Variants in UNC5D observed in about 807,000 individuals in gnomAD.
The protein encoded by UNC5D is unc-5 netrin receptor D.
Under a neutral mutation model 105.4 loss-of-function variants are expected in UNC5D, and 39 were observed. The ratio of observed to expected loss-of-function variants is 0.37; its 90% CI spans 0.29 to 0.48. The LOEUF (loss-of-function observed/expected upper bound fraction) is 0.48, where lower values mean the gene tolerates loss of function less well. UNC5D is among the 20% of genes least tolerant of loss of function. The probability of loss-of-function intolerance (pLI) is 0.98; values close to 1 mark genes in which losing one functional copy is unlikely to be tolerated. For synonymous variants in UNC5D, 452 were observed against 450.4 expected, an observed-to-expected ratio of 1.00 and a Z score of -0.04; for missense variants, 991 against 1,202.4, an observed-to-expected ratio of 0.82 and a Z score of 2.60.
intron 1 of UNC5D, among the ~76,000 whole-genome samples, chr8:35,383,575 G>T (rs1049114221): frequency 1.3e-5 from 2 of 152,198 alleles, no homozygotes; most frequent in African/African-American, 4.8e-5. Context: ...TCTAAGGTAG[G>T]CAAGAGAGCA....
At chr8:35,784,180 A>G (rs529456911) in intron 16 of UNC5D, among the ~76,000 whole-genome samples, 49 of 152,280 alleles carry the variant, frequency 3.2e-4, no homozygotes, top group African/African-American at 1.2e-3. Context: ...AATCATGGTA[A>G]TAAAACAAAT....
intron 7 of UNC5D, among the ~76,000 whole-genome samples, chr8:35,693,521 G>A (rs1826550768): frequency 6.6e-6 from 1 of 152,132 alleles, no homozygotes; most frequent in South Asian, 2.1e-4. Context: ...AACCAGGTCT[G>A]AAACACTTCA....
At chr8:35,703,735 T>C (rs1331052421) in intron 7 of UNC5D, among the ~76,000 whole-genome samples, 1 of 152,256 alleles carries the variant, frequency 6.6e-6, no homozygotes, top group Non-Finnish European at 1.5e-5. Context: ...TCCTGTGGTT[T>C]AGAAGGAAGA....
At chr8:35,588,414 G>A (rs1818938590) in intron 3 of UNC5D, among the ~76,000 whole-genome samples, 1 of 152,122 alleles carries the variant, frequency 6.6e-6, no homozygotes, top group African/African-American at 2.4e-5. Context: ...AATGGCACCT[G>A]GTGTGTGTTT....
chr8:35,316,178 C>T (rs10104660), intron 1 of UNC5D, among the ~76,000 whole-genome samples: 69,672 of 151,944 alleles, frequency 0.46, 16,471 homozygotes, highest in East Asian at 0.7. Context: ...TAAGGAAATA[C>T]GTGGAAAAGC....
At chr8:35,596,056 G>A (rs1819474505) in intron 4 of UNC5D, among the ~76,000 whole-genome samples, 1 of 152,336 alleles carries the variant, frequency 6.6e-6, no homozygotes, top group Admixed American at 6.5e-5. Context: ...AGAAGACCCA[G>A]TCCCAGTGTC....
In UNC5D at chr8:35,711,258, C is replaced by T. The variant is rs555563854; in HGVS notation, c.1117+5297C>T. On this transcript the variant is annotated intron_variant, in intron 8 of 16. Transcript: ENST00000404895. Reference sequence around the variant, plus strand: ...GCAGTGGTGCGATCTTGGCTCACTGCAACCTCTGCCTCCCGGGTTCAAGCG... The same window carrying T: ...GCAGTGGTGCGATCTTGGCTCACTGTAACCTCTGCCTCCCGGGTTCAAGCG... 2.0e-5 allele frequency among the ~76,000 whole-genome samples: 3 copies of T among 152,148 alleles called. No individual in the cohort carries two copies. In the South Asian group the frequency reaches 6.2e-4, roughly 32 times the overall value.
At chr8:35,438,716 G>T (rs1194928503) in intron 1 of UNC5D, among the ~76,000 whole-genome samples, 1 of 151,984 alleles carries the variant, frequency 6.6e-6, no homozygotes, top group Non-Finnish European at 1.5e-5. Context: ...CAGGAAGCAA[G>T]GCTCCAAGTA....
At chr8:35,724,395 C>A in intron 9 of UNC5D, 2 of 1,268,690 alleles carry the variant, frequency 1.6e-6, no homozygotes, top group Non-Finnish European at 2.1e-6. Flanking sequence ...TTGAGCAATA[C>A]ATCCAGTGCC....
intron 4 of UNC5D, among the ~76,000 whole-genome samples, chr8:35,658,547 G>A (rs982835850): frequency 1.3e-5 from 2 of 151,672 alleles, no homozygotes; most frequent in Non-Finnish European, 1.5e-5. Flanking sequence ...CGTAATAAAT[G>A]ATAGATGTTG....
chr8:35,462,907 A>G (rs1245927786), intron 1 of UNC5D, among the ~76,000 whole-genome samples: 4 of 152,198 alleles, frequency 2.6e-5, no homozygotes, highest in African/African-American at 9.6e-5. Flanking sequence ...ATCTCTCCTT[A>G]CAAAGGTATA....
intron 4 of UNC5D, among the ~76,000 whole-genome samples, chr8:35,648,703 GA>G (rs1586333404): frequency 6.8e-6 from 1 of 147,152 alleles, no homozygotes; most frequent in East Asian, 2.0e-4. Context: ...AAAAAAAAAG[GA>G]GAGAGATCTC....
At chr8:35,621,117 A>G (rs570847460) in intron 4 of UNC5D, among the ~76,000 whole-genome samples, 30 of 152,294 alleles carry the variant, frequency 2.0e-4, no homozygotes, top group African/African-American at 7.2e-4. Flanking sequence ...GCATTGCCAA[A>G]TGTTATTCCT....
intron 3 of UNC5D, among the ~76,000 whole-genome samples, chr8:35,588,902 A>T (rs573851023): frequency 3.2e-4 from 48 of 152,106 alleles, no homozygotes; most frequent in African/African-American, 1.1e-3. Context: ...ATTTAGCCAG[A>T]CGTGGTGGCA....
chr8:35,526,362 C>T (rs898446689), intron 1 of UNC5D, among the ~76,000 whole-genome samples: 1 of 152,124 alleles, frequency 6.6e-6, no homozygotes, highest in South Asian at 2.1e-4. Flanking sequence ...ATAGTGGGAA[C>T]TCACCTCATC....
At chr8:35,604,664 G>A (rs1023476779) in intron 4 of UNC5D, among the ~76,000 whole-genome samples, 9 of 152,220 alleles carry the variant, frequency 5.9e-5, no homozygotes, top group South Asian at 4.2e-4. Flanking sequence ...CATTCTCCCC[G>A]TCACTTTCAG....
At chr8:35,285,171 C>G (rs1406942187) in intron 1 of UNC5D, among the ~76,000 whole-genome samples, 4 of 152,196 alleles carry the variant, frequency 2.6e-5, no homozygotes, top group Non-Finnish European at 5.9e-5. Context: ...CTCCAAATTG[C>G]AGCTAGGCAG....
At chr8:35,468,066 T>C (rs1249257401) in intron 1 of UNC5D, among the ~76,000 whole-genome samples, 1 of 152,200 alleles carries the variant, frequency 6.6e-6, no homozygotes, top group Non-Finnish European at 1.5e-5. Flanking sequence ...TTAAAGCAGA[T>C]ATTTACCTGC....
At chr8:35,703,759 C>T (rs1827360560) in intron 7 of UNC5D, among the ~76,000 whole-genome samples, 1 of 152,186 alleles carries the variant, frequency 6.6e-6, no homozygotes, top group Non-Finnish European at 1.5e-5. Flanking sequence ...TACTGTTAAG[C>T]TCAGTCAGAG....
Sources: allele counts gnomAD v4.1 joint callset (sites outside exome capture counted in the v4.1 genomes callset), GRCh38; gene constraint gnomAD v4.1.1; transcripts MANE v1.5; gene names NCBI Gene and HGNC (gene_info 2026-07-23, HGNC 2026-07-21).